The following PDE6B variants were observed in gnomAD, a reference collection of about 807,000 sequenced individuals.
PDE6B encodes rod cGMP-specific 3',5'-cyclic phosphodiesterase subunit beta.
In PDE6B, 106 loss-of-function variants were observed where a neutral mutation model predicts 109.0. The ratio of observed to expected loss-of-function variants is 0.97; its 90% CI spans 0.83 to 1.14. The LOEUF (loss-of-function observed/expected upper bound fraction) is 1.14. Ranked by LOEUF, PDE6B falls within the 50% of genes most tolerant of loss-of-function variation. The probability of loss-of-function intolerance (pLI) is 0.00; values close to 1 mark genes in which losing one functional copy is unlikely to be tolerated. For missense variants in PDE6B, 1,193 were observed against 1,155.6 expected, an observed-to-expected ratio of 1.03 and a Z score of -0.47; for synonymous variants, 490 against 471.3, an observed-to-expected ratio of 1.04 and a Z score of -0.51.
chr4:665,305 G>C lies in PDE6B; in HGVS notation c.2244G>C (p.Arg748Ser). The C allele has an allele frequency of 1.9e-6, 3 of 1,612,494 alleles. No individual in the cohort carries two copies. The highest frequency in any genetic ancestry group is 2.5e-6 in the Non-Finnish European group (3 of 1,179,304). The stretch of plus-strand genomic sequence containing the variant: ...TCTGGGAGCAAGGTGACTTGGAAAG[G>C]ACAGTCTTGGATCAGCAGCCCATTG... ...AEFWEQGDLE[R>S]TVLDQQPIPM... The change falls in exon 19 of 22, where the codon AGG becomes AGC. Residue 748 changes from arginine to serine, a missense_variant. Transcript: ENST00000496514. The surrounding 1 kb of genome is among the most constrained non-coding windows in gnomAD (Gnocchi z 4.0).
Position 667,843 on chromosome 4 carries a change from C to A in PDE6B, c.2353-13C>A, listed in dbSNP as rs369466418. Reference sequence around the variant, plus strand: ...CAGGACAGGACTGGTGGTGACTTCTCGACTCCCCTCAGGAGTTCTCTCGTT... The same window carrying A: ...CAGGACAGGACTGGTGGTGACTTCTAGACTCCCCTCAGGAGTTCTCTCGTT... On this transcript the variant is annotated splice_polypyrimidine_tract_variant and intron_variant, in intron 20 of 21. Coordinates refer to ENST00000496514, the MANE Select transcript of PDE6B (RefSeq NM_000283.4). 7.4e-6 allele frequency: 12 copies of A among 1,611,528 alleles called. No individual in the cohort carries two copies. The highest frequency in any genetic ancestry group is 3.4e-6 in the Non-Finnish European group (4 of 1,178,508).
Position 664,372 on chromosome 4 carries a change from C to A in PDE6B, c.2129+151C>A, listed in dbSNP as rs535007303. On this transcript the variant is annotated intron_variant, in intron 17 of 21. Transcript: ENST00000496514. ...GTCGAGGGCTGTGAAACAAATGCGC[C>A]GTCCTTATTTCCCCCCAGCTCTCAG... The A allele has an allele frequency of 1.6e-5, 11 of 689,786 alleles. No homozygotes were observed. The African/African-American group carries it at 1.9e-4, about 12-fold the overall frequency. 42.7% of individuals were successfully genotyped at this position (689,786 alleles called of 1,614,324 possible).
At chr4:634,060 C>G (rs1734520980) in intron 1 of PDE6B, among the ~76,000 whole-genome samples, 1 of 151,918 alleles carries the variant, frequency 6.6e-6, no homozygotes, top group Non-Finnish European at 1.5e-5. Flanking sequence ...ACGGTGGGCC[C>G]CAGACCCCAG....
In PDE6B at chr4:634,832, G is replaced by A. The variant is rs1734567537; in HGVS notation, c.621+3G>A. 1 of 1,613,514 alleles carries A rather than the reference G, an allele frequency of 6.2e-7. No individual in the cohort carries two copies. Among genetic ancestry groups the A allele is most frequent in the Non-Finnish European group, 8.5e-7 (1 of 1,179,532 alleles). ...TCTTCACCAGCGAAGACGAAGATGT[G>A]AGTGTGGGGGGCACCTGGGCAGCCG... On this transcript the variant is annotated splice_donor_region_variant and intron_variant, in intron 2 of 21. Transcript: ENST00000496514.
intron 3 of PDE6B, chr4:652,785 G>C (rs1280192530): frequency 1.3e-5 from 2 of 152,460 alleles, no homozygotes; most frequent in Admixed American, 6.5e-5. Flanking sequence ...TTTGTTATCA[G>C]AGCGGCGTCC....
intron 3 of PDE6B, among the ~76,000 whole-genome samples, chr4:650,277 G>A (rs555679803): frequency 1.8e-3 from 280 of 152,362 alleles, no homozygotes; most frequent in African/African-American, 6.4e-3. Flanking sequence ...ACATTTTAAA[G>A]TCGAGACAAT....
Position 662,445 on chromosome 4 carries a change from C to G in PDE6B, c.1723-64C>G. The G allele has an allele frequency of 3.4e-6, 4 of 1,179,126 alleles. No homozygotes were observed. Among genetic ancestry groups the G allele is most frequent in the Non-Finnish European group, 2.5e-6 (2 of 785,406 alleles). The allele number at this position is 1,179,126 out of a possible 1,614,324, so 73.0% of individuals were successfully genotyped here. On this transcript the variant is annotated intron_variant, in intron 13 of 21. Transcript: ENST00000496514. This position sits in a 1 kb window ranked among gnomAD's most constrained non-coding sequence, Gnocchi z 4.3. The stretch of plus-strand genomic sequence containing the variant: ...CAACCCGACGCCTAGGTCATCCCAA[C>G]CCCTCACCACTCCCCACCCTGCTGG...
Position 665,478 on chromosome 4 carries a change from G to A in PDE6B, c.2268+149G>A. On this transcript the variant is annotated intron_variant, in intron 19 of 21. Coordinates refer to ENST00000496514, the MANE Select transcript of PDE6B (RefSeq NM_000283.4). The surrounding 1 kb of genome is among the most constrained non-coding windows in gnomAD (Gnocchi z 4.0). Reference sequence around the variant, plus strand: ...CTCACTTTGTGGGATCATGTGACATGCGTGTGGGTGGCTCGGACCTGGGTA... The same window carrying A: ...CTCACTTTGTGGGATCATGTGACATACGTGTGGGTGGCTCGGACCTGGGTA... 1 of 704,626 alleles carries A rather than the reference G, an allele frequency of 1.4e-6. No homozygotes were observed. Among genetic ancestry groups the A allele is most frequent in the Non-Finnish European group, 2.6e-6 (1 of 379,958 alleles). 43.6% of individuals were successfully genotyped at this position (704,626 alleles called of 1,614,324 possible). A position where few individuals can be genotyped will look rare whatever the true frequency, so the allele number is the denominator to read the frequency against.
rs1482288953 is a variant in PDE6B at position 626,270 on chromosome 4, C to T, written c.468+176C>T. Among the ~76,000 whole-genome samples, 3 of 152,214 alleles carry T rather than the reference C, an allele frequency of 2.0e-5. No homozygotes were observed. The highest frequency in any genetic ancestry group is 2.9e-5 in the Non-Finnish European group (2 of 68,040). ...CCCCCTCCCGGCACTGTGCCCTGGC[C>T]GCCTGCCTCTCCGACTCGGCTTCTG... is the stretch of plus-strand genomic sequence containing the variant. On this transcript the variant is annotated intron_variant, in intron 1 of 21. Transcript: ENST00000496514. The surrounding 1 kb of genome is among the most constrained non-coding windows in gnomAD (Gnocchi z 4.6).
intron 3 of PDE6B, among the ~76,000 whole-genome samples, chr4:645,326 C>T (rs1000166867): frequency 4.5e-5 from 6 of 134,812 alleles, no homozygotes; most frequent in African/African-American, 8.4e-5. Flanking sequence ...GACGGAGTCT[C>T]GCTCTGTCGC....
At chr4:650,149 G>A (rs938221025) in intron 3 of PDE6B, among the ~76,000 whole-genome samples, 6 of 152,200 alleles carry the variant, frequency 3.9e-5, no homozygotes, top group Non-Finnish European at 8.8e-5. Flanking sequence ...GGGCAGGAGG[G>A]GCCCCCGCTC....
intron 5 of PDE6B, 25 bp downstream of exon 5, chr4:654,179 G>T: frequency 6.2e-7 from 1 of 1,600,318 alleles, no homozygotes; most frequent in Non-Finnish European, 8.6e-7. Flanking sequence ...AGGGGCCCAG[G>T]GCCTGTCCAC....
At chr4:629,393 C>A (rs1734271394) in intron 1 of PDE6B, among the ~76,000 whole-genome samples, 1 of 152,346 alleles carries the variant, frequency 6.6e-6, no homozygotes, top group Non-Finnish European at 1.5e-5. Context: ...CCACGGCCAC[C>A]AAGTGGCGGG....
chr4:659,665 AGTAT>A lies in PDE6B; in HGVS notation c.1467+651_1467+654del, dbSNP rs1457555781. Among the ~76,000 whole-genome samples the A allele has an allele frequency of 4.8e-5, 7 of 146,234 alleles. No individual in the cohort carries two copies. The East Asian group carries it at 8.2e-4, about 17-fold the overall frequency. On this transcript the variant is annotated intron_variant, in intron 11 of 21. Transcript: ENST00000496514. ...ATGTGTGTGCACATGTGTGCCCACG[AGTAT>A]GTGTGTGCATGTGTGTGCACATGGG...
Position 663,029 on chromosome 4 carries a change from G to T in PDE6B, c.1833-71G>T, listed in dbSNP as rs942831217. On this transcript the variant is annotated intron_variant, in intron 14 of 21. Transcript: ENST00000496514. This position sits in a 1 kb window ranked among gnomAD's most constrained non-coding sequence, Gnocchi z 4.0. Reference sequence around the variant, plus strand: ...AAAAAAAGAAAGTGGGGCCCATCTGGGGGGGCTGCAGAGCGCAGGGTGGGC... The same window carrying T: ...AAAAAAAGAAAGTGGGGCCCATCTGTGGGGGCTGCAGAGCGCAGGGTGGGC... 1 of 871,536 alleles carries T rather than the reference G, an allele frequency of 1.1e-6. No homozygotes were observed. The highest frequency in any genetic ancestry group is 1.6e-5 in the African/African-American group (1 of 60,784). 54.0% of individuals were successfully genotyped at this position (871,536 alleles called of 1,614,324 possible).
intron 3 of PDE6B, among the ~76,000 whole-genome samples, chr4:646,797 A>T (rs1487957318): frequency 6.6e-6 from 1 of 151,110 alleles, no homozygotes; most frequent in South Asian, 2.1e-4. Context: ...TTATGTTACC[A>T]TCTGCTCCGG....
intron 5 of PDE6B, chr4:654,413 C>A: frequency 1.6e-6 from 1 of 632,522 alleles, no homozygotes. Context: ...TGTGGGGGCT[C>A]CTGCTGCCCC....
intron 3 of PDE6B, chr4:653,190 A>C (rs1735738622): frequency 1.0e-6 from 1 of 999,288 alleles, no homozygotes; most frequent in African/African-American, 1.7e-5. Context: ...GCAGCGGAGG[A>C]GAGGGAGCTG....
chr4:658,651 G>A (rs1364511023), intron 10 of PDE6B, among the ~76,000 whole-genome samples: 4 of 152,120 alleles, frequency 2.6e-5, no homozygotes, highest in Admixed American at 6.5e-5. Flanking sequence ...TCCCTTCCCT[G>A]TGCTCAATCT....
Sources: gnomAD v4.1 joint callset for allele counts (sites outside exome capture counted in the v4.1 genomes callset) on GRCh38, gnomAD v4.1.1 for gene constraint, Gnocchi (gnomAD v3.1) non-coding constraint, MANE v1.5 for transcripts, NCBI Gene and HGNC (gene_info 2026-07-23, HGNC 2026-07-21) for gene names.